Variants in LVRN observed in about 807,000 individuals in gnomAD.
The protein encoded by LVRN is laeverin.
In LVRN, 99 loss-of-function variants were observed where a neutral mutation model predicts 111.4. The ratio of observed to expected loss-of-function variants is 0.89; its 90% confidence interval spans 0.76 to 1.05. The LOEUF (loss-of-function observed/expected upper bound fraction) is 1.05, where lower values mean the gene tolerates loss of function less well. LVRN is among the 50% of genes least tolerant of loss of function. The pLI is 0.00. For missense variants in LVRN, 1,414 were observed against 1,206.8 expected, an observed-to-expected ratio of 1.17 and a Z score of -2.54; for synonymous variants, 488 against 449.5, an observed-to-expected ratio of 1.09 and a Z score of -1.08.
chr5:115,992,396 C>G, intron 5 of LVRN, 119 bp downstream of exon 5: 1 of 1,176,044 alleles, frequency 8.5e-7, no homozygotes, highest in Non-Finnish European at 1.2e-6. Flanking sequence ...AGAAAAACAT[C>G]TCAAAGTATG....
rs1200855021 is a variant in LVRN at position 115,963,028 on chromosome 5, C to T, written c.411C>T (p.Cys137=). 3 of 1,613,590 alleles carry T rather than the reference C, an allele frequency of 1.9e-6. No individual in the cohort carries two copies. Among genetic ancestry groups the T allele is most frequent in the African/African-American group, 2.7e-5 (2 of 74,930 alleles). The part of the protein sequence containing the change: ...FTGRVNITVR[C]TVATSRLLLH... ...GCCGCGTGAACATCACGGTGCGCTGCACGGTGGCCACCTCTCGACTGCTGC... is the reference window on the plus strand; with the variant it reads ...GCCGCGTGAACATCACGGTGCGCTGTACGGTGGCCACCTCTCGACTGCTGC... The change falls in exon 1 of 20, where the codon TGC becomes TGT. Residue 137 remains cysteine, a synonymous_variant. Transcript: ENST00000357872.
intron 15 of LVRN, 30 bp downstream of exon 15, chr5:116,012,498 A>G (rs1481315824): frequency 7.7e-7 from 1 of 1,300,082 alleles, no homozygotes; most frequent in East Asian, 2.5e-5. Flanking sequence ...TGATAATTGA[A>G]TAAAATGCAT....
intron 1 of LVRN, among the ~76,000 whole-genome samples, chr5:115,978,021 G>A (rs928185034): frequency 2.6e-5 from 4 of 152,204 alleles, no homozygotes; most frequent in African/African-American, 7.2e-5. Context: ...AAATAAAGGT[G>A]AAAGCAGCAT....
intron 1 of LVRN, among the ~76,000 whole-genome samples, chr5:115,978,064 CAG>C (rs1306785131): frequency 6.6e-6 from 1 of 152,160 alleles, no homozygotes; most frequent in Non-Finnish European, 1.5e-5. Flanking sequence ...CAGGTTTAGA[CAG>C]AGTGAACAGA....
chr5:116,007,449 A>T (rs17484600), intron 13 of LVRN, among the ~76,000 whole-genome samples: 44,473 of 151,974 alleles, frequency 0.29, 6,953 homozygotes, highest in South Asian at 0.36. Flanking sequence ...TTTTAATCCT[A>T]TGCATCCTTC....
In LVRN at chr5:116,005,944, T is replaced by G. The variant is rs1748362496; in HGVS notation, c.2070T>G (p.Ile690Met). The G allele has an allele frequency of 6.3e-7, 1 of 1,593,536 alleles. No homozygotes were observed. The highest frequency in any genetic ancestry group is 1.3e-5 in the African/African-American group (1 of 74,436). Residue 690 changes from isoleucine to methionine, a missense_variant, in exon 13 of 20, where the codon ATT becomes ATG. Coordinates refer to ENST00000357872, the MANE Select transcript of LVRN (RefSeq NM_173800.5). ...CTGTTATTCACAGACTGCAGTTGATTGATGATGCCTTTTCCTTGTCTAAGT... is the reference window on the plus strand; with the variant it reads ...CTGTTATTCACAGACTGCAGTTGATGGATGATGCCTTTTCCTTGTCTAAGT... Reference protein sequence around the residue: ...AIPVIHRLQLIDDAFSLSKNN... With the variant: ...AIPVIHRLQLMDDAFSLSKNN...
chr5:115,968,055 A>C (rs955854527), intron 1 of LVRN, among the ~76,000 whole-genome samples: 1 of 152,234 alleles, frequency 6.6e-6, no homozygotes, highest in Non-Finnish European at 1.5e-5. Flanking sequence ...TATTTCTTCA[A>C]TTTCAATCTA....
chr5:116,018,326 A>G (rs1226974883), intron 18 of LVRN, among the ~76,000 whole-genome samples: 1 of 152,124 alleles, frequency 6.6e-6, no homozygotes, highest in Non-Finnish European at 1.5e-5. Flanking sequence ...TTAATTATTT[A>G]TTTTATGAGA....
At chr5:116,002,633 G>C (rs1748260677) in intron 10 of LVRN, among the ~76,000 whole-genome samples, 1 of 152,168 alleles carries the variant, frequency 6.6e-6, no homozygotes, top group Non-Finnish European at 1.5e-5. Flanking sequence ...CACAACAGGA[G>C]AGAGGAGTAA....
At chr5:115,996,599 C>G (rs1748118104) in intron 6 of LVRN, among the ~76,000 whole-genome samples, 1 of 152,134 alleles carries the variant, frequency 6.6e-6, no homozygotes, top group Admixed American at 6.5e-5. Flanking sequence ...TATGCAGAAA[C>G]AGATTTACAA....
Position 116,001,242 on chromosome 5 carries a change from A to G in LVRN, c.1820+3A>G. 3 of 1,612,652 alleles carry G rather than the reference A, an allele frequency of 1.9e-6. No individual in the cohort carries two copies. The highest frequency in any genetic ancestry group is 2.5e-6 in the Non-Finnish European group (3 of 1,179,630). On this transcript the variant is annotated splice_donor_region_variant and intron_variant, in intron 10 of 19. Coordinates refer to ENST00000357872, the MANE Select transcript of LVRN (RefSeq NM_173800.5). ...AATCGGACTCTTCTAACCAGCAAGT[A>G]GGTAGCTTTGCTCCTCTTTGTCTTC...
intron 16 of LVRN, 125 bp from the exon 17 acceptor site, chr5:116,015,127 A>T (rs1561569166): frequency 4.1e-5 from 27 of 653,886 alleles, no homozygotes; most frequent in South Asian, 1.8e-4. Context: ...GCCTCTCTAG[A>T]TTCCTACTTT....
chr5:115,990,338 A>T (rs1006964153), intron 4 of LVRN, among the ~76,000 whole-genome samples: 1 of 152,148 alleles, frequency 6.6e-6, no homozygotes, highest in Non-Finnish European at 1.5e-5. Context: ...ATATCATTTT[A>T]ATTTTCAATT....
chr5:115,988,014 A>T (rs1446254131), intron 4 of LVRN, 75 bp downstream of exon 4: 3 of 1,529,294 alleles, frequency 2.0e-6, no homozygotes, highest in Non-Finnish European at 2.7e-6. Context: ...CAAGATACAC[A>T]GACAAACCCA....
chr5:116,009,902 C>T (rs1047567468), intron 13 of LVRN, among the ~76,000 whole-genome samples: 1 of 152,192 alleles, frequency 6.6e-6, no homozygotes, highest in African/African-American at 2.4e-5. Context: ...GTCAAAACAG[C>T]AAGCAGGATG....
At chr5:115,976,296 G>C (rs912911775) in intron 1 of LVRN, 1 of 152,246 alleles carries the variant, frequency 6.6e-6, no homozygotes, top group Non-Finnish European at 1.5e-5. Context: ...GGTTAGATGA[G>C]AGTAAGTGCA....
chr5:115,998,610 G>A (rs974815958), intron 6 of LVRN, among the ~76,000 whole-genome samples: 2 of 152,174 alleles, frequency 1.3e-5, no homozygotes, highest in African/African-American at 4.8e-5. Context: ...TAAAATCCAT[G>A]CTTACTGAGT....
intron 1 of LVRN, among the ~76,000 whole-genome samples, chr5:115,968,900 G>A (rs1753260347): frequency 6.6e-6 from 1 of 152,202 alleles, no homozygotes; most frequent in Non-Finnish European, 1.5e-5. Context: ...TCTGTAGAGT[G>A]TGAGTGGTTA....
At chr5:115,995,947 CGTGTGT>C (rs3072895) in intron 6 of LVRN, among the ~76,000 whole-genome samples, 78,804 of 150,844 alleles carry the variant, frequency 0.52, 20,682 homozygotes, top group South Asian at 0.62. Flanking sequence ...AGAAGCTAAT[CGTGTGT>C]GTGTGTGTGT....
Sources: gnomAD v4.1 joint callset for allele counts (sites outside exome capture counted in the v4.1 genomes callset) on GRCh38, gnomAD v4.1.1 for gene constraint, MANE v1.5 for transcripts, NCBI Gene and HGNC (gene_info 2026-07-23, HGNC 2026-07-21) for gene names.